Variants in KCNAB1 observed in about 807,000 individuals in gnomAD.
KCNAB1 encodes the protein potassium voltage-gated channel subfamily A regulatory beta subunit 1.
In KCNAB1, 35 loss-of-function variants were observed where a neutral mutation model predicts 64.6. That is an observed-to-expected ratio of 0.54 (90% confidence interval 0.41 to 0.72). KCNAB1 has a LOEUF of 0.72. Among genes scored for constraint, KCNAB1 ranks in the 30% least tolerant of loss-of-function variants. KCNAB1 has a pLI of 0.00. For missense variants in KCNAB1, 401 were observed against 512.9 expected, an observed-to-expected ratio of 0.78 and a Z score of 2.11; for synonymous variants, 177 against 183.8, an observed-to-expected ratio of 0.96 and a Z score of 0.30.
chr3:156,431,693 C>G, intron 2 of KCNAB1, among the ~76,000 whole-genome samples: 1 of 152,144 alleles, frequency 6.6e-6, no homozygotes, highest in East Asian at 1.9e-4. Flanking sequence ...AACAGAAAAC[C>G]CAGCTCAAAG....
Position 156,237,566 on chromosome 3 carries a change from A to G in KCNAB1, c.275+116680A>G, listed in dbSNP as rs55720401. On this transcript the variant is annotated intron_variant, in intron 1 of 13. Coordinates refer to ENST00000490337, the MANE Select transcript of KCNAB1 (RefSeq NM_172160.3). Reference sequence around the variant, plus strand: ...TATTGTTTTGTAACTTGTAAACACAATGATTTGGGGGATTGGAAGTTTTTT... The same window carrying G: ...TATTGTTTTGTAACTTGTAAACACAGTGATTTGGGGGATTGGAAGTTTTTT... 9.2e-3 allele frequency among the ~76,000 whole-genome samples: 1,408 copies of G among 152,264 alleles called. 17 individuals carry two copies. Among genetic ancestry groups the G allele is most frequent in the African/African-American group, 0.02 (837 of 41,556 alleles).
chr3:156,358,120 C>A (rs1576768984), intron 1 of KCNAB1, among the ~76,000 whole-genome samples: 1 of 152,148 alleles, frequency 6.6e-6, no homozygotes, highest in Non-Finnish European at 1.5e-5. Context: ...CTAGTAGCTA[C>A]CTCATTAGAA....
At chr3:156,531,144 C>T (rs908136881) in intron 12 of KCNAB1, among the ~76,000 whole-genome samples, 1 of 152,158 alleles carries the variant, frequency 6.6e-6, no homozygotes, top group Non-Finnish European at 1.5e-5. Flanking sequence ...GGCAGCTGAG[C>T]GTGCTGGAGA....
intron 1 of KCNAB1, among the ~76,000 whole-genome samples, chr3:156,351,555 G>A (rs1368826626): frequency 6.6e-6 from 1 of 152,216 alleles, no homozygotes; most frequent in Non-Finnish European, 1.5e-5. Context: ...AACTGGCAGT[G>A]CAAACTTCTG....
In KCNAB1 at chr3:156,329,073, T is replaced by C. The variant is rs771614261; in HGVS notation, c.276-92543T>C. On this transcript the variant is annotated intron_variant, in intron 1 of 13. Transcript: ENST00000490337. ...AAAAAACTTCCTTTTGCTGCACTTA[T>C]CTTTTTGCTGGTGACAACCTTGTAT... Among the ~76,000 whole-genome samples, 112 of 152,218 alleles carry C rather than the reference T, an allele frequency of 7.4e-4. 1 individual carries two copies. The highest frequency in any genetic ancestry group is 1.2e-3 in the Non-Finnish European group (84 of 68,030).
At chr3:156,364,024 A>G (rs892864000) in intron 1 of KCNAB1, among the ~76,000 whole-genome samples, 1 of 152,168 alleles carries the variant, frequency 6.6e-6, no homozygotes, top group African/African-American at 2.4e-5. Flanking sequence ...TATTTCCTCT[A>G]TTCCACACAA....
chr3:156,179,366 A>G (rs1483386428), intron 1 of KCNAB1, among the ~76,000 whole-genome samples: 1 of 151,998 alleles, frequency 6.6e-6, no homozygotes, highest in Non-Finnish European at 1.5e-5. Context: ...ATAAAATTTT[A>G]TAAAATTAAA....
chr3:156,495,092 G>A (rs565660564), intron 8 of KCNAB1, among the ~76,000 whole-genome samples: 44 of 152,014 alleles, frequency 2.9e-4, no homozygotes, highest in African/African-American at 6.8e-4. Context: ...CTCATCATTC[G>A]GCTCCCACTT....
intron 1 of KCNAB1, among the ~76,000 whole-genome samples, chr3:156,255,479 G>A (rs565988616): frequency 3.4e-4 from 52 of 152,228 alleles, no homozygotes; most frequent in East Asian, 1.5e-3. Flanking sequence ...ATTGAGTTTA[G>A]TAAGCTGGCA....
At position 156,382,981 on chromosome 3, in the gene KCNAB1, C is replaced by T. The variant is rs1406267663; in HGVS notation, c.276-38635C>T. Among the ~76,000 whole-genome samples the T allele has an allele frequency of 2.6e-5, 4 of 152,198 alleles. No homozygotes were observed. The South Asian group carries it at 6.2e-4, about 24-fold the overall frequency. On this transcript the variant is annotated intron_variant, in intron 1 of 13. Coordinates refer to ENST00000490337, the MANE Select transcript of KCNAB1 (RefSeq NM_172160.3). Reference sequence around the variant, plus strand: ...GCCTGATGCCAGGCTTTGACAAACTCGGGCTAGATGATCTTTCGGGTGCTT... The same window carrying T: ...GCCTGATGCCAGGCTTTGACAAACTTGGGCTAGATGATCTTTCGGGTGCTT...
chr3:156,332,602 C>T (rs1363066605), intron 1 of KCNAB1, among the ~76,000 whole-genome samples: 5 of 152,126 alleles, frequency 3.3e-5, no homozygotes, highest in East Asian at 1.9e-4. Context: ...AACTGCCAAA[C>T]GGGACCAAGG....
intron 1 of KCNAB1, among the ~76,000 whole-genome samples, chr3:156,377,303 T>C (rs1711750951): frequency 6.6e-6 from 1 of 152,096 alleles, no homozygotes; most frequent in African/African-American, 2.4e-5. Context: ...AAGAGCAGGT[T>C]GGCTTGAGCA....
chr3:156,395,571 A>AAAAAAAAAAAAAAAAAAAAAC (rs1278076330), intron 1 of KCNAB1, among the ~76,000 whole-genome samples: 2 of 140,018 alleles, frequency 1.4e-5, no homozygotes, highest in Non-Finnish European at 3.0e-5. Flanking sequence ...AAAAAAAAAA[A>AAAAAAAAAAAAAAAAAAAAAC]AAAAAAAAAA....
intron 1 of KCNAB1, among the ~76,000 whole-genome samples, chr3:156,223,915 C>T (rs1715965081): frequency 6.6e-6 from 1 of 152,260 alleles, no homozygotes; most frequent in Admixed American, 6.5e-5. Flanking sequence ...TGCCCGCACT[C>T]CTCAGCCCTT....
At chr3:156,143,569 G>GTTTTTTGTTTTTTTTTTTTTTT (rs1553807969) in intron 1 of KCNAB1, 2 of 281,598 alleles carry the variant, frequency 7.1e-6, no homozygotes, top group African/African-American at 5.9e-5. Context: ...TTGCATTCTT[G>GTTTTTTGTTTTTTTTTTTTTTT]TTTTTTTTTT....
chr3:156,245,403 A>G (rs571349111), intron 1 of KCNAB1, among the ~76,000 whole-genome samples: 12 of 152,332 alleles, frequency 7.9e-5, no homozygotes, highest in Admixed American at 7.8e-4. Flanking sequence ...AACATCTTGC[A>G]TAACATGGTA....
chr3:156,378,409 C>T (rs1329868863), intron 1 of KCNAB1, among the ~76,000 whole-genome samples: 1 of 152,110 alleles, frequency 6.6e-6, no homozygotes, highest in Non-Finnish European at 1.5e-5. Flanking sequence ...TAGAATTTTG[C>T]CCCTTAAACT....
rs78134340 is a variant in KCNAB1, at chr3:156,214,904, A to T, written c.275+94018A>T. On this transcript the variant is annotated intron_variant, in intron 1 of 13. Transcript: ENST00000490337. ...CAGGCTGTCGCCCGCCACAAGCAGG[A>T]TCTTCACACACTGGTCTTTCAGGGT... Among the ~76,000 whole-genome samples the T allele has an allele frequency of 3.3e-4, 50 of 152,308 alleles. 1 individual carries two copies. The East Asian group carries it at 3.9e-3, about 12-fold the overall frequency.
At chr3:156,262,749 A>G (rs561914913) in intron 1 of KCNAB1, among the ~76,000 whole-genome samples, 1 of 151,924 alleles carries the variant, frequency 6.6e-6, no homozygotes, top group African/African-American at 2.4e-5. Context: ...TTGTTACTAT[A>G]TTGTCTTAAA....
Sources: allele counts gnomAD v4.1 joint callset (sites outside exome capture counted in the v4.1 genomes callset), GRCh38; gene constraint gnomAD v4.1.1; transcripts MANE v1.5; gene names NCBI Gene and HGNC (gene_info 2026-07-23, HGNC 2026-07-21).